SSBP3: variants seen among roughly 807,000 people sequenced by gnomAD.
SSBP3 encodes single-stranded DNA-binding protein 3.
In SSBP3, 5 loss-of-function variants were observed where a neutral mutation model predicts 69.6. The ratio of observed to expected loss-of-function variants is 0.07; its 90% CI spans 0.04 to 0.15. The LOEUF is 0.15. SSBP3 is among the 10% of genes least tolerant of loss of function. SSBP3 has a pLI of 1.00. For missense variants in SSBP3, 312 were observed against 534.0 expected (o/e 0.58, Z 4.10); for synonymous variants, 196 against 193.4 (o/e 1.01, Z -0.11).
At chr1:54,295,812 C>T (rs914194199) in intron 4 of SSBP3, among the ~76,000 whole-genome samples, 1 of 152,178 alleles carries the variant, frequency 6.6e-6, no homozygotes, top group Non-Finnish European at 1.5e-5. Flanking sequence ...ATCTGGAATG[C>T]CCACCTCCCT....
intron 5 of SSBP3, among the ~76,000 whole-genome samples, chr1:54,280,876 C>T (rs1046147321): frequency 1.3e-5 from 2 of 152,168 alleles, no homozygotes; most frequent in Non-Finnish European, 2.9e-5. Flanking sequence ...GGGCAGAGCA[C>T]GGGCACAGAT....
intron 4 of SSBP3, among the ~76,000 whole-genome samples, chr1:54,340,672 C>T (rs1317435332): frequency 6.6e-6 from 1 of 152,198 alleles, no homozygotes; most frequent in Non-Finnish European, 1.5e-5. Context: ...AGGGAAATGA[C>T]TGATAAGGGG....
At chr1:54,388,151 C>T (rs1312989737) in intron 4 of SSBP3, among the ~76,000 whole-genome samples, 3 of 151,688 alleles carry the variant, frequency 2.0e-5, no homozygotes, top group African/African-American at 4.9e-5. Context: ...TTAAGACACA[C>T]GTTTACAGGT....
chr1:54,392,779 A>G (rs1311310595), intron 4 of SSBP3, among the ~76,000 whole-genome samples: 1 of 152,254 alleles, frequency 6.6e-6, no homozygotes, highest in Non-Finnish European at 1.5e-5. Flanking sequence ...AAGGGCAAGT[A>G]AAGTTCCTCC....
intron 4 of SSBP3, among the ~76,000 whole-genome samples, chr1:54,314,844 A>G (rs1043667344): frequency 6.6e-6 from 1 of 152,190 alleles, no homozygotes; most frequent in Non-Finnish European, 1.5e-5. Flanking sequence ...ATGAAGTCAA[A>G]GCCACCTGGG....
At chr1:54,264,259 G>A (rs937984548) in intron 5 of SSBP3, among the ~76,000 whole-genome samples, 1 of 152,144 alleles carries the variant, frequency 6.6e-6, no homozygotes, top group Non-Finnish European at 1.5e-5. Flanking sequence ...CTGTGATCAT[G>A]CCACTGCACT....
intron 4 of SSBP3, among the ~76,000 whole-genome samples, chr1:54,319,567 G>C (rs1167570336): frequency 6.6e-6 from 1 of 152,070 alleles, no homozygotes; most frequent in Admixed American, 6.6e-5. Flanking sequence ...CAGCCCCACA[G>C]GTGGGAAGGT....
upstream of SSBP3, among the ~76,000 whole-genome samples, chr1:54,408,183 C>T (rs1425529504): frequency 6.6e-6 from 1 of 152,162 alleles, no homozygotes. Context: ...ACGCTGAGAC[C>T]TAGTTTATGG....
chr1:54,311,265 C>T (rs1447219656), intron 4 of SSBP3, among the ~76,000 whole-genome samples: 1 of 152,172 alleles, frequency 6.6e-6, no homozygotes, highest in East Asian at 1.9e-4. Context: ...ACTTAATGCA[C>T]CAACTGCTGA....
intron 4 of SSBP3, among the ~76,000 whole-genome samples, chr1:54,387,741 T>TA (rs1648194676): frequency 6.6e-6 from 1 of 152,182 alleles, no homozygotes; most frequent in Non-Finnish European, 1.5e-5. Context: ...CAGAACAGAA[T>TA]AAATATTTAG....
intron 4 of SSBP3, among the ~76,000 whole-genome samples, chr1:54,346,797 AGAGT>A (rs1646698010): frequency 6.6e-6 from 1 of 151,554 alleles, no homozygotes; most frequent in Admixed American, 6.6e-5. Flanking sequence ...CCTGGGCAAT[AGAGT>A]GAGACTCCAT....
At chr1:54,396,214 AAAAAAC>A (rs1227686264) in intron 4 of SSBP3, among the ~76,000 whole-genome samples, 48 of 148,998 alleles carry the variant, frequency 3.2e-4, no homozygotes, top group Non-Finnish European at 5.7e-4. Context: ...AAAAAAAAAA[AAAAAAC>A]AACCCCATTA....
At chr1:54,391,794 C>T (rs1648516233) in intron 4 of SSBP3, among the ~76,000 whole-genome samples, 1 of 152,218 alleles carries the variant, frequency 6.6e-6, no homozygotes, top group South Asian at 2.1e-4. Context: ...CTCGGTCAGA[C>T]AGGATGCCTT....
chr1:54,299,804 A>G (rs2100992979), intron 4 of SSBP3, among the ~76,000 whole-genome samples: 1 of 152,280 alleles, frequency 6.6e-6, no homozygotes, highest in South Asian at 2.1e-4. Flanking sequence ...GATCAAACCC[A>G]GATCGCTCAC....
At chr1:54,231,195 C>T (rs891311319) in intron 14 of SSBP3, among the ~76,000 whole-genome samples, 5 of 152,206 alleles carry the variant, frequency 3.3e-5, no homozygotes, top group South Asian at 2.1e-4. Context: ...TCCACACCCT[C>T]GCCAACACCA....
chr1:54,391,551 C>T (rs573464783), intron 4 of SSBP3, among the ~76,000 whole-genome samples: 1 of 152,340 alleles, frequency 6.6e-6, no homozygotes, highest in Admixed American at 6.5e-5. Flanking sequence ...CTCTCCACTG[C>T]CTCCTCTCTC....
intron 5 of SSBP3, among the ~76,000 whole-genome samples, chr1:54,278,204 G>A (rs1645326087): frequency 6.6e-6 from 1 of 152,162 alleles, no homozygotes; most frequent in Non-Finnish European, 1.5e-5. Context: ...CAGAATGTTG[G>A]ATCTAGTGCT....
intron 4 of SSBP3, among the ~76,000 whole-genome samples, chr1:54,324,732 C>A (rs1256492118): frequency 6.6e-6 from 1 of 152,166 alleles, no homozygotes; most frequent in East Asian, 1.9e-4. Context: ...ATATATCCTG[C>A]TTGAAATTTT....
intron 4 of SSBP3, among the ~76,000 whole-genome samples, chr1:54,289,021 A>AAAAAAAAC (rs1645547371): frequency 2.1e-5 from 1 of 46,546 alleles, no homozygotes; most frequent in Non-Finnish European, 3.9e-5. Flanking sequence ...CTCTGTCTCC[A>AAAAAAAAC]AAAAAAAAAA....
Sources: gnomAD v4.1 joint callset for allele counts (sites outside exome capture counted in the v4.1 genomes callset) on GRCh38, gnomAD v4.1.1 for gene constraint, MANE v1.5 for transcripts, NCBI Gene and HGNC (gene_info 2026-07-23, HGNC 2026-07-21) for gene names.